The following DOCK3 variants were observed in gnomAD, a reference collection of about 807,000 sequenced individuals.
DOCK3 encodes dedicator of cytokinesis protein 3.
In DOCK3, 60 loss-of-function variants were observed where a neutral mutation model predicts 265.6. The ratio of observed to expected loss-of-function variants is 0.23; its 90% CI spans 0.18 to 0.28. DOCK3 has a LOEUF of 0.28. Ranked by LOEUF, DOCK3 falls within the 10% of genes least tolerant of loss-of-function variation. The pLI is 1.00. For synonymous variants in DOCK3, 881 were observed against 938.0 expected (o/e 0.94, Z 1.11); for missense variants, 1,981 against 2,594.3 (o/e 0.76, Z 5.14).
chr3:51,333,853 AT>A lies in DOCK3; in HGVS notation c.3611+615del, dbSNP rs112903403. Among the ~76,000 whole-genome samples the A allele has an allele frequency of 5.2e-3, 748 of 144,154 alleles. 5 individuals are homozygous for A. Among genetic ancestry groups the A allele is most frequent in the African/African-American group, 8.3e-3 (328 of 39,602 alleles). The allele number at this position is 144,154 out of a possible 152,430, so 94.6% of individuals were successfully genotyped here. ...GTCTGGGAGTTCATGTGGAATAAGA[AT>A]TTTTTTTTTTTTTTGAGATAGTCTT... On this transcript the variant is annotated intron_variant, in intron 35 of 52. Coordinates refer to ENST00000266037, the MANE Select transcript of DOCK3 (RefSeq NM_004947.5).
intron 5 of DOCK3, among the ~76,000 whole-genome samples, chr3:51,005,112 A>G (rs1262150481): frequency 6.6e-6 from 1 of 151,962 alleles, no homozygotes; most frequent in East Asian, 1.9e-4. Flanking sequence ...TAAAGAAATT[A>G]TTTTGAAGTA....
At chr3:51,168,256 G>A (rs2086501446) in intron 12 of DOCK3, among the ~76,000 whole-genome samples, 2 of 152,166 alleles carry the variant, frequency 1.3e-5, no homozygotes, top group African/African-American at 4.8e-5. Flanking sequence ...AAACTCACAT[G>A]GAACCAAAAA....
At chr3:51,363,896 C>T (rs1576945802) in intron 49 of DOCK3, among the ~76,000 whole-genome samples, 1 of 152,188 alleles carries the variant, frequency 6.6e-6, no homozygotes, top group African/African-American at 2.4e-5. Context: ...TTGATGGACA[C>T]TTGGGTTGGT....
chr3:51,094,411 A>G (rs1194443524), intron 9 of DOCK3, among the ~76,000 whole-genome samples: 1 of 59,154 alleles, frequency 1.7e-5, no homozygotes, highest in Non-Finnish European at 3.1e-5. Flanking sequence ...GTGTGTGTCC[A>G]GGAATTTATC....
intron 3 of DOCK3, among the ~76,000 whole-genome samples, chr3:50,853,037 A>C (rs1363564229): frequency 6.6e-6 from 1 of 152,222 alleles, no homozygotes; most frequent in Admixed American, 6.5e-5. Context: ...TTTCTGTTGG[A>C]AACATTACAG....
intron 18 of DOCK3, among the ~76,000 whole-genome samples, chr3:51,229,269 G>A (rs550050183): frequency 6.6e-6 from 1 of 152,152 alleles, no homozygotes; most frequent in Non-Finnish European, 1.5e-5. Context: ...TGGCCAACAT[G>A]GTGAAACACC....
At chr3:51,008,125 G>A (rs538884255) in intron 5 of DOCK3, among the ~76,000 whole-genome samples, 136 of 152,240 alleles carry the variant, frequency 8.9e-4, no homozygotes, top group African/African-American at 3.2e-3. Flanking sequence ...GGTTCCATGT[G>A]AACATTAAAG....
Position 51,356,966 on chromosome 3 carries a change from A to C in DOCK3, c.4508A>C (p.Glu1503Ala). ...CTGTGTGCTGTGTGCCCCTAGGTGG[A>C]GGTGAGCCCTCTGGAGAATGCCATC... ...WFEVERRELV[E>A]VSPLENAIQV... Residue 1503 changes from glutamate to alanine, a missense_variant, in exon 44 of 53, where the codon GAG becomes GCG. Transcript: ENST00000266037. The C allele has an allele frequency of 6.2e-7, 1 of 1,611,608 alleles. No homozygotes were observed. The highest frequency in any genetic ancestry group is 1.1e-5 in the South Asian group (1 of 90,660).
intron 4 of DOCK3, among the ~76,000 whole-genome samples, chr3:50,902,809 C>T (rs538869476): frequency 7.2e-5 from 11 of 152,290 alleles, no homozygotes; most frequent in Admixed American, 2.0e-4. Context: ...TATCCATGAG[C>T]GTGGCATATT....
At position 50,917,223 on chromosome 3, in the gene DOCK3, C is replaced by G. The variant is rs1424173628; in HGVS notation, c.219-16758C>G. ...GAATTGAATGACCTTCACATGATTT[C>G]TAGACTGAGAAAGTTAATGTAGAGA... On this transcript the variant is annotated intron_variant, in intron 4 of 52. Transcript: ENST00000266037. Among the ~76,000 whole-genome samples the G allele has an allele frequency of 4.6e-5, 7 of 152,132 alleles. No homozygotes were observed. In the East Asian group the frequency reaches 1.4e-3, roughly 29 times the overall value.
At chr3:51,360,039 C>T (rs555371333) in intron 46 of DOCK3, among the ~76,000 whole-genome samples, 16 of 152,184 alleles carry the variant, frequency 1.1e-4, no homozygotes, top group Non-Finnish European at 1.8e-4. Context: ...TCTGTCTCCC[C>T]GTAGACTGTG....
chr3:50,730,647 GTGTCTCTACAT>G (rs1222115166), intron 1 of DOCK3, among the ~76,000 whole-genome samples: 1 of 151,856 alleles, frequency 6.6e-6, no homozygotes, highest in African/African-American at 2.4e-5. Flanking sequence ...GGCCAACATA[GTGTCTCTACAT>G]TGTCTCTACA....
chr3:50,736,556 G>A (rs2038633561), intron 1 of DOCK3, among the ~76,000 whole-genome samples: 2 of 152,076 alleles, frequency 1.3e-5, no homozygotes, highest in African/African-American at 4.8e-5. Context: ...ATCCTCTCCA[G>A]CATCTGTTGT....
At chr3:51,328,194 C>T (rs973229489) in intron 32 of DOCK3, among the ~76,000 whole-genome samples, 23 of 152,154 alleles carry the variant, frequency 1.5e-4, no homozygotes, top group African/African-American at 2.9e-4. Flanking sequence ...AATATTTAGG[C>T]GCCAGTGGAC....
At chr3:50,778,193 C>T (rs2041717570) in intron 1 of DOCK3, among the ~76,000 whole-genome samples, 1 of 152,014 alleles carries the variant, frequency 6.6e-6, no homozygotes, top group African/African-American at 2.4e-5. Context: ...TTCTGTTGTG[C>T]ATATGCTTTC....
chr3:51,249,162 C>CA (rs1273094902), intron 22 of DOCK3, among the ~76,000 whole-genome samples: 1 of 13,316 alleles, frequency 7.5e-5, no homozygotes, highest in African/African-American at 3.5e-4. Flanking sequence ...GGGGGGTCAG[C>CA]CCCCCGCCAG....
intron 9 of DOCK3, among the ~76,000 whole-genome samples, chr3:51,110,925 A>G (rs2083484582): frequency 6.6e-6 from 1 of 152,216 alleles, no homozygotes; most frequent in South Asian, 2.1e-4. Flanking sequence ...TCTATTCTAG[A>G]AAACCCCATA....
intron 9 of DOCK3, among the ~76,000 whole-genome samples, chr3:51,124,441 G>T (rs2106803839): frequency 6.6e-6 from 1 of 152,244 alleles, no homozygotes; most frequent in South Asian, 2.1e-4. Flanking sequence ...GCAATTTGTG[G>T]CTAGTGGCTA....
At chr3:51,320,417 G>A (rs1164636196) in intron 32 of DOCK3, among the ~76,000 whole-genome samples, 1 of 151,908 alleles carries the variant, frequency 6.6e-6, no homozygotes, top group Non-Finnish European at 1.5e-5. Context: ...AGCTGCAGGA[G>A]TTTTGTTTTT....
Sources: allele counts gnomAD v4.1 joint callset (sites outside exome capture counted in the v4.1 genomes callset), GRCh38; gene constraint gnomAD v4.1.1; transcripts MANE v1.5; gene names NCBI Gene and HGNC (gene_info 2026-07-23, HGNC 2026-07-21).